The following CDH12 variants were observed in gnomAD, a reference collection of about 807,000 sequenced individuals.
CDH12 encodes the protein cadherin 12.
CDH12 carries 41 observed loss-of-function variants against 74.1 expected under a neutral mutation model. That is an observed-to-expected ratio of 0.55 (90% CI 0.43 to 0.72). CDH12 has a LOEUF of 0.72. Among genes scored for constraint, CDH12 ranks in the 30% least tolerant of loss-of-function variants. The probability of loss-of-function intolerance (pLI) is 0.00; values close to 1 mark genes in which losing one functional copy is unlikely to be tolerated. For synonymous variants in CDH12, 399 were observed against 355.0 expected (o/e 1.12, Z -1.39); for missense variants, 945 against 977.2 (o/e 0.97, Z 0.44).
At chr5:22,501,761 AC>A (rs1736159738) in intron 2 of CDH12, among the ~76,000 whole-genome samples, 1 of 151,168 alleles carries the variant, frequency 6.6e-6, no homozygotes. Flanking sequence ...AAAAAAAAAA[AC>A]AGATGGCTCT....
chr5:22,669,743 A>G (rs1419860837), intron 1 of CDH12, among the ~76,000 whole-genome samples: 2 of 152,222 alleles, frequency 1.3e-5, no homozygotes, highest in Non-Finnish European at 1.5e-5. Context: ...CCCAGCACCA[A>G]AACTGGATCA....
At chr5:22,742,496 T>C (rs1415398468) in intron 1 of CDH12, among the ~76,000 whole-genome samples, 1 of 152,142 alleles carries the variant, frequency 6.6e-6, no homozygotes, top group East Asian at 1.9e-4. Context: ...CTTCAAAAAA[T>C]AGTAGACGAA....
At chr5:22,786,099 T>C (rs547256033) in intron 1 of CDH12, among the ~76,000 whole-genome samples, 59 of 152,060 alleles carry the variant, frequency 3.9e-4, no homozygotes, top group Admixed American at 1.0e-3. Context: ...ATAAAGAAAA[T>C]GTGGCACGTA....
intron 2 of CDH12, among the ~76,000 whole-genome samples, chr5:22,499,928 A>G (rs1304845086): frequency 1.3e-5 from 2 of 152,194 alleles, no homozygotes; most frequent in Non-Finnish European, 2.9e-5. Context: ...CTACCTAAAA[A>G]TAATCATTGC....
chr5:22,272,674 T>C (rs1736451396), intron 3 of CDH12, among the ~76,000 whole-genome samples: 1 of 152,136 alleles, frequency 6.6e-6, no homozygotes, highest in African/African-American at 2.4e-5. Context: ...TTCAATATTT[T>C]TGTGTATCAG....
chr5:22,276,398 A>G (rs1222460657), intron 3 of CDH12, among the ~76,000 whole-genome samples: 1 of 152,232 alleles, frequency 6.6e-6, no homozygotes, highest in Non-Finnish European at 1.5e-5. Context: ...TTCAAGCTCA[A>G]TATGTCTTGT....
intron 3 of CDH12, among the ~76,000 whole-genome samples, chr5:22,226,592 C>T (rs1316837988): frequency 6.6e-6 from 1 of 152,064 alleles, no homozygotes; most frequent in Non-Finnish European, 1.5e-5. Flanking sequence ...TTCACTAGAG[C>T]TCTGACTTCA....
intron 1 of CDH12, among the ~76,000 whole-genome samples, chr5:22,622,013 A>C (rs901780747): frequency 2.6e-5 from 4 of 152,160 alleles, no homozygotes; most frequent in Non-Finnish European, 5.9e-5. Flanking sequence ...GTTAGGTTTA[A>C]AAATAAAAAT....
rs551292088 is a variant in CDH12 at position 22,657,939 on chromosome 5, T to G, written c.-522-152575A>C. 2.6e-5 allele frequency among the ~76,000 whole-genome samples: 4 copies of G among 152,298 alleles called. No homozygotes were observed. In the East Asian group the frequency reaches 7.7e-4, roughly 29 times the overall value. ...AAACATAACTCAGAAGAGTATGTAT[T>G]ACTTACAAATTAGAAAAGCAATCAA... On this transcript the variant is annotated intron_variant, in intron 1 of 14. Coordinates refer to ENST00000382254, the MANE Select transcript of CDH12 (RefSeq NM_004061.5).
At chr5:22,425,174 T>TATATATAA (rs1561394313) in intron 2 of CDH12, among the ~76,000 whole-genome samples, 134 of 140,108 alleles carry the variant, frequency 9.6e-4, no homozygotes, top group African/African-American at 3.1e-3. Context: ...TATATATAAA[T>TATATATAA]ATATATATAT....
At chr5:22,413,659 A>G (rs1743258208) in intron 2 of CDH12, among the ~76,000 whole-genome samples, 2 of 152,084 alleles carry the variant, frequency 1.3e-5, no homozygotes. Flanking sequence ...ATATGGGCTT[A>G]AGGCAAAATT....
intron 3 of CDH12, among the ~76,000 whole-genome samples, chr5:22,378,033 A>AATAATAAC (rs1385354652): frequency 2.9e-4 from 44 of 152,298 alleles, no homozygotes; most frequent in Middle Eastern, 6.8e-3. Context: ...ACTGATTATG[A>AATAATAAC]ATAATAACGT....
At chr5:21,899,456 C>T (rs1047483586) in intron 6 of CDH12, among the ~76,000 whole-genome samples, 6 of 152,074 alleles carry the variant, frequency 3.9e-5, no homozygotes, top group African/African-American at 9.7e-5. Flanking sequence ...TTGCTAGGAA[C>T]GAGGCTAAAG....
At chr5:22,231,209 G>C (rs1752370292) in intron 3 of CDH12, among the ~76,000 whole-genome samples, 1 of 152,074 alleles carries the variant, frequency 6.6e-6, no homozygotes, top group Non-Finnish European at 1.5e-5. Context: ...TAACAATAAA[G>C]AGAAAAATTC....
intron 4 of CDH12, among the ~76,000 whole-genome samples, chr5:22,190,371 T>G (rs1277638982): frequency 2.9e-5 from 4 of 136,532 alleles, no homozygotes; most frequent in African/African-American, 1.3e-4. Context: ...TATCTATCTA[T>G]CTATCTATCT....
chr5:21,800,088 A>G (rs1028895689), intron 10 of CDH12, among the ~76,000 whole-genome samples: 1 of 152,088 alleles, frequency 6.6e-6, no homozygotes, highest in Non-Finnish European at 1.5e-5. Context: ...CTCTTTCTAC[A>G]TCTTGGAATA....
At chr5:22,822,944 T>C (rs2126480140) in intron 1 of CDH12, among the ~76,000 whole-genome samples, 1 of 152,248 alleles carries the variant, frequency 6.6e-6, no homozygotes, top group African/African-American at 2.4e-5. Flanking sequence ...GTATGTTTAT[T>C]GCAGCACTAT....
intron 5 of CDH12, among the ~76,000 whole-genome samples, chr5:22,027,845 GC>G (rs1738484990): frequency 6.6e-6 from 1 of 151,804 alleles, no homozygotes; most frequent in Admixed American, 6.6e-5. Context: ...GTTATTTCTT[GC>G]CTTCTGCTAG....
chr5:22,683,410 A>T (rs767873791), intron 1 of CDH12, among the ~76,000 whole-genome samples: 1 of 152,186 alleles, frequency 6.6e-6, no homozygotes, highest in Non-Finnish European at 1.5e-5. Context: ...CTTCAGTAAC[A>T]CACATGTAAT....
Sources: allele counts gnomAD v4.1 joint callset (sites outside exome capture counted in the v4.1 genomes callset), GRCh38; gene constraint gnomAD v4.1.1; transcripts MANE v1.5; gene names NCBI Gene and HGNC (gene_info 2026-07-23, HGNC 2026-07-21).